Variants in EEA1 observed in about 807,000 individuals in gnomAD.
EEA1 encodes early endosome antigen 1, 162kD.
Under a neutral mutation model 209.2 loss-of-function variants are expected in EEA1, and 111 were observed. The ratio of observed to expected loss-of-function variants is 0.53; its 90% confidence interval spans 0.45 to 0.62. The LOEUF is 0.62. Ranked by LOEUF, EEA1 falls within the 20% of genes least tolerant of loss-of-function variation. The pLI, the probability that EEA1 is intolerant of heterozygous loss-of-function variation, is 0.00. For missense variants in EEA1, 1,343 were observed against 1,530.8 expected, an observed-to-expected ratio of 0.88 and a Z score of 2.05; for synonymous variants, 536 against 540.6, an observed-to-expected ratio of 0.99 and a Z score of 0.12.
At chr12:92,896,718 T>C (rs1286111841) in intron 1 of EEA1, among the ~76,000 whole-genome samples, 1 of 151,622 alleles carries the variant, frequency 6.6e-6, no homozygotes, top group African/African-American at 2.4e-5. Context: ...GGAGAATCGC[T>C]TGAATCCGGG....
At chr12:92,780,135 G>T (rs1873841015) in intron 24 of EEA1, 145 bp downstream of exon 24, 2 of 812,288 alleles carry the variant, frequency 2.5e-6, no homozygotes, top group African/African-American at 3.7e-5. Flanking sequence ...AAAGCACTCT[G>T]GCAAGAGTAT....
intron 18 of EEA1, among the ~76,000 whole-genome samples, chr12:92,803,550 TAAATTTGTAACCAATAA>T (rs1385164790): frequency 1.3e-5 from 2 of 152,160 alleles, no homozygotes; most frequent in East Asian, 3.9e-4. Flanking sequence ...GTAATCAGAA[TAAATTTGTAACCAATAA>T]AAATAAGTCA....
intron 13 of EEA1, among the ~76,000 whole-genome samples, chr12:92,820,788 CAT>C (rs1876016907): frequency 1.3e-5 from 2 of 150,788 alleles, no homozygotes; most frequent in African/African-American, 2.4e-5. Flanking sequence ...CACACACACA[CAT>C]ATATATATGT....
At chr12:92,923,668 GTATC>G (rs1881098892) in intron 1 of EEA1, among the ~76,000 whole-genome samples, 1 of 150,844 alleles carries the variant, frequency 6.6e-6, no homozygotes, top group South Asian at 2.1e-4. Context: ...TTTCCTCTGT[GTATC>G]TATTACACTT....
rs1873649098 is a variant in EEA1 at position 92,776,144 on chromosome 12, C to CA, written c.4114-12dup. ...CTGTCGGCAGTGATGCTGTAAATGA[C>CA]AAAAATTAAACAATTTCAAGAATAA... On this transcript the variant is annotated splice_polypyrimidine_tract_variant and intron_variant, in intron 28 of 28. Coordinates refer to ENST00000322349, the MANE Select transcript of EEA1 (RefSeq NM_003566.4). 8.8e-6 allele frequency: 14 copies of CA among 1,594,456 alleles called. No homozygotes were observed. The highest frequency in any genetic ancestry group is 1.2e-5 in the Non-Finnish European group (14 of 1,170,268).
intron 2 of EEA1, among the ~76,000 whole-genome samples, chr12:92,883,240 C>T (rs1425188706): frequency 6.6e-6 from 1 of 152,088 alleles, no homozygotes; most frequent in African/African-American, 2.4e-5. Flanking sequence ...GTCTTTTGAC[C>T]ATTTTTTAAT....
At chr12:92,849,935 A>G (rs888513249) in intron 9 of EEA1, among the ~76,000 whole-genome samples, 8 of 152,364 alleles carry the variant, frequency 5.3e-5, no homozygotes, top group African/African-American at 1.9e-4. Flanking sequence ...CAGTAGTCAT[A>G]ACAAAATGTC....
chr12:92,775,827 C>T lies in EEA1; in HGVS notation c.*184G>A. On this transcript the variant is annotated 3_prime_UTR_variant, in exon 29 of 29. Coordinates refer to ENST00000322349, the MANE Select transcript of EEA1 (RefSeq NM_003566.4). ...GAAAAAAGTAATGAAAGATGATAAG[C>T]CCAAGTCTCACAAAAATAGAAGAGT... 2.1e-6 allele frequency: 1 copy of T among 486,660 alleles called. No homozygotes were observed. The highest frequency in any genetic ancestry group is 3.5e-5 in the East Asian group (1 of 28,364). 30.1% of individuals were successfully genotyped at this position (486,660 alleles called of 1,614,324 possible). A position where few individuals can be genotyped will look rare whatever the true frequency, so the allele number is the denominator to read the frequency against.
intron 3 of EEA1, among the ~76,000 whole-genome samples, chr12:92,862,531 G>A (rs1878199902): frequency 6.6e-6 from 1 of 152,002 alleles, no homozygotes; most frequent in Admixed American, 6.6e-5. Context: ...AGGAGTTGGA[G>A]GCTACAGTAA....
At chr12:92,882,460 T>C (rs1395181562) in intron 2 of EEA1, among the ~76,000 whole-genome samples, 1 of 151,986 alleles carries the variant, frequency 6.6e-6, no homozygotes, top group Non-Finnish European at 1.5e-5. Flanking sequence ...ATGTGCAGGT[T>C]TGTTACCTGG....
At chr12:92,798,824 A>G in intron 21 of EEA1, 68 bp downstream of exon 21, 1 of 1,246,724 alleles carries the variant, frequency 8.0e-7, no homozygotes, top group East Asian at 2.4e-5. Context: ...CATCTGTATT[A>G]ATCATCATAC....
Position 92,776,886 on chromosome 12 carries a change from G to GTT in EEA1, c.4069_4070dup (p.Asn1357LysfsTer12). Reference sequence around the variant, plus strand: ...AAAAGCCTTTCCCACAGGCCATACAGTTTTGTACTTCATTGTCTTCGGCCC... The same window carrying GTT: ...AAAAGCCTTTCCCACAGGCCATACAGTTTTTTGTACTTCATTGTCTTCGGCCC... On this transcript the variant is annotated frameshift_variant, in exon 28 of 29. Transcript: ENST00000322349. LOFTEE classifies it high-confidence loss of function. The GTT allele has an allele frequency of 6.2e-7, 1 of 1,611,852 alleles. No homozygotes were observed. The highest frequency in any genetic ancestry group is 8.5e-7 in the Non-Finnish European group (1 of 1,178,406).
intron 14 of EEA1, among the ~76,000 whole-genome samples, chr12:92,817,633 G>A (rs572493666): frequency 6.6e-6 from 1 of 151,592 alleles, no homozygotes. Flanking sequence ...CTTACTTCAG[G>A]GTCTGTTCCC....
At chr12:92,912,554 T>C (rs1880616524) in intron 1 of EEA1, among the ~76,000 whole-genome samples, 2 of 152,226 alleles carry the variant, frequency 1.3e-5, no homozygotes, top group South Asian at 4.1e-4. Context: ...TCCATTCTGT[T>C]TTCCACCTTA....
intron 22 of EEA1, among the ~76,000 whole-genome samples, chr12:92,783,290 GTTGGTGTCTGCTTC>G (rs1369442916): frequency 2.6e-5 from 4 of 152,204 alleles, no homozygotes; most frequent in Admixed American, 1.3e-4. Context: ...AAGACACACA[GTTGGTGTCTGCTTC>G]TTGGTGTGTG....
intron 21 of EEA1, among the ~76,000 whole-genome samples, chr12:92,791,170 G>A (rs1354805058): frequency 1.3e-5 from 2 of 152,030 alleles, no homozygotes; most frequent in Non-Finnish European, 2.9e-5. Flanking sequence ...TGCAAAAACA[G>A]GCCAAATTGT....
At chr12:92,807,360 A>C (rs1272256708) in intron 18 of EEA1, among the ~76,000 whole-genome samples, 1 of 152,222 alleles carries the variant, frequency 6.6e-6, no homozygotes, top group African/African-American at 2.4e-5. Flanking sequence ...GAAACATTTA[A>C]TATTTCCTGC....
intron 2 of EEA1, among the ~76,000 whole-genome samples, chr12:92,888,030 CAGG>C (rs1217590555): frequency 6.6e-6 from 1 of 152,042 alleles, no homozygotes; most frequent in Non-Finnish European, 1.5e-5. Context: ...AAAACAACCA[CAGG>C]AGTAGAGAAA....
chr12:92,911,958 C>A (rs1330330642), intron 1 of EEA1, among the ~76,000 whole-genome samples: 2 of 152,204 alleles, frequency 1.3e-5, no homozygotes, highest in African/African-American at 4.8e-5. Context: ...AAGTCTTTAT[C>A]CTGCCTTCCA....
Sources: gnomAD v4.1 joint callset for allele counts (sites outside exome capture counted in the v4.1 genomes callset) on GRCh38, gnomAD v4.1.1 for gene constraint, MANE v1.5 for transcripts, NCBI Gene and HGNC (gene_info 2026-07-23, HGNC 2026-07-21) for gene names.